Variants in PTPRM observed in about 807,000 individuals in gnomAD.
The protein encoded by PTPRM is protein tyrosine phosphatase receptor type M, also known as receptor-type tyrosine-protein phosphatase mu.
In PTPRM, 47 loss-of-function variants were observed where a neutral mutation model predicts 186.7. The ratio of observed to expected loss-of-function variants is 0.25; its 90% CI spans 0.20 to 0.32. The LOEUF (loss-of-function observed/expected upper bound fraction) is 0.32. Ranked by LOEUF, PTPRM falls within the 10% of genes least tolerant of loss-of-function variation. The probability of loss-of-function intolerance (pLI) is 1.00; values close to 1 mark genes in which losing one functional copy is unlikely to be tolerated. For missense variants in PTPRM, 1,494 were observed against 1,865.0 expected (o/e 0.80, Z 3.66); for synonymous variants, 668 against 674.9 (o/e 0.99, Z 0.16).
intron 1 of PTPRM, among the ~76,000 whole-genome samples, chr18:7,633,296 ACT>A (rs1170256264): frequency 2.0e-5 from 3 of 151,894 alleles, no homozygotes; most frequent in Non-Finnish European, 4.4e-5. Flanking sequence ...GATGAAATGG[ACT>A]CTCTTTCATG....
At chr18:7,586,307 G>A (rs185914093) in intron 1 of PTPRM, among the ~76,000 whole-genome samples, 1 of 152,248 alleles carries the variant, frequency 6.6e-6, no homozygotes, top group African/African-American at 2.4e-5. Context: ...ACTACGGGTG[G>A]ATGAATGGTT....
At chr18:8,108,504 C>T (rs993297222) in intron 11 of PTPRM, among the ~76,000 whole-genome samples, 18 of 152,092 alleles carry the variant, frequency 1.2e-4, no homozygotes, top group African/African-American at 4.3e-4. Flanking sequence ...TAGGACAAAA[C>T]ATTTTAAGTT....
At chr18:7,964,937 T>A (rs1304043146) in intron 7 of PTPRM, among the ~76,000 whole-genome samples, 3 of 152,102 alleles carry the variant, frequency 2.0e-5, no homozygotes, top group African/African-American at 7.2e-5. Flanking sequence ...TGAGACACTG[T>A]TATGCTGTGG....
At chr18:7,791,320 G>A (rs567037087) in intron 2 of PTPRM, among the ~76,000 whole-genome samples, 26 of 152,114 alleles carry the variant, frequency 1.7e-4, no homozygotes, top group African/African-American at 3.1e-4. Context: ...TAGAAAAAAC[G>A]TATGTCTTGG....
At chr18:8,209,156 A>G (rs2093968744) in intron 14 of PTPRM, among the ~76,000 whole-genome samples, 1 of 152,192 alleles carries the variant, frequency 6.6e-6, no homozygotes, top group South Asian at 2.1e-4. Flanking sequence ...AGAACAGAAG[A>G]GTTTTCTGTG....
chr18:8,394,218 T>C (rs1040930147), intron 31 of PTPRM, among the ~76,000 whole-genome samples: 4 of 152,128 alleles, frequency 2.6e-5, no homozygotes, highest in Non-Finnish European at 5.9e-5. Context: ...TATCGATGAA[T>C]TGCTGTATCA....
At chr18:7,856,159 A>G (rs148587383) in intron 2 of PTPRM, among the ~76,000 whole-genome samples, 46 of 152,136 alleles carry the variant, frequency 3.0e-4, no homozygotes, top group African/African-American at 9.9e-4. Flanking sequence ...ATTCCCTTCT[A>G]TTTTCCATGG....
intron 20 of PTPRM, 80 bp from the exon 21 acceptor site, chr18:8,314,701 T>C (rs2095295494): frequency 2.2e-6 from 2 of 916,570 alleles, no homozygotes; most frequent in Non-Finnish European, 3.5e-6. Context: ...CTCTATGTAA[T>C]ATGCTTACAT....
At chr18:8,245,643 G>A (rs150420753) in intron 15 of PTPRM, among the ~76,000 whole-genome samples, 1,534 of 152,202 alleles carry the variant, frequency 0.01, 23 homozygotes, top group African/African-American at 0.035. Context: ...AGCCCTTTTG[G>A]CCACACACAG....
At chr18:8,267,419 AT>A (rs2094714923) in intron 19 of PTPRM, among the ~76,000 whole-genome samples, 2 of 152,126 alleles carry the variant, frequency 1.3e-5, no homozygotes, top group African/African-American at 4.8e-5. Flanking sequence ...TTAAAAAGAA[AT>A]TTGGAAATTT....
At chr18:7,622,214 C>T (rs991816225) in intron 1 of PTPRM, among the ~76,000 whole-genome samples, 1 of 152,028 alleles carries the variant, frequency 6.6e-6, no homozygotes, top group Admixed American at 6.6e-5. Flanking sequence ...ATAACATGGC[C>T]TGCAATTTCT....
intron 11 of PTPRM, among the ~76,000 whole-genome samples, chr18:8,095,696 A>T (rs908556576): frequency 6.6e-6 from 1 of 152,136 alleles, no homozygotes; most frequent in Non-Finnish European, 1.5e-5. Flanking sequence ...CCCTGGCGGC[A>T]TGGAGGAAGG....
At chr18:7,650,444 TCC>T (rs10707334) in intron 1 of PTPRM, among the ~76,000 whole-genome samples, 6,464 of 85,614 alleles carry the variant, frequency 0.076, 638 homozygotes, top group African/African-American at 0.22. Context: ...AACTTTCAAA[TCC>T]CCCCCCCCCC....
intron 1 of PTPRM, among the ~76,000 whole-genome samples, chr18:7,607,128 A>G (rs6506519): frequency 0.29 from 43,456 of 151,860 alleles, 10,039 homozygotes; most frequent in East Asian, 0.61. Context: ...TACTCAGTGT[A>G]TGCCAGGCCC....
intron 2 of PTPRM, among the ~76,000 whole-genome samples, chr18:7,809,754 G>A (rs990116354): frequency 7.9e-5 from 12 of 152,142 alleles, no homozygotes; most frequent in African/African-American, 2.9e-4. Flanking sequence ...TTACAGTGAT[G>A]TTTTACTAGA....
At chr18:8,102,229 G>A (rs941497560) in intron 11 of PTPRM, among the ~76,000 whole-genome samples, 25 of 152,202 alleles carry the variant, frequency 1.6e-4, no homozygotes, top group African/African-American at 5.8e-4. Flanking sequence ...TGACTAATCA[G>A]GGTGGTAGTT....
intron 9 of PTPRM, among the ~76,000 whole-genome samples, chr18:8,077,555 A>G (rs533909668): frequency 6.6e-6 from 1 of 152,220 alleles, no homozygotes; most frequent in African/African-American, 2.4e-5. Context: ...TCATTGTAAA[A>G]GAATTGAATA....
intron 21 of PTPRM, among the ~76,000 whole-genome samples, chr18:8,318,811 T>C (rs1215942143): frequency 6.6e-6 from 1 of 152,252 alleles, no homozygotes; most frequent in Non-Finnish European, 1.5e-5. Flanking sequence ...CCTTGGCATA[T>C]TGCCAATGAC....
At chr18:8,347,055 A>T (rs531720205) in intron 23 of PTPRM, among the ~76,000 whole-genome samples, 1 of 152,196 alleles carries the variant, frequency 6.6e-6, no homozygotes, top group South Asian at 2.1e-4. Flanking sequence ...TCCTTCATTT[A>T]CTTCACACAT....
Sources: gnomAD v4.1 joint callset for allele counts (sites outside exome capture counted in the v4.1 genomes callset) on GRCh38, gnomAD v4.1.1 for gene constraint, MANE v1.5 for transcripts, NCBI Gene and HGNC (gene_info 2026-07-23, HGNC 2026-07-21) for gene names.